The following GPC5 variants were observed in gnomAD, a reference collection of about 807,000 sequenced individuals.
The protein encoded by GPC5 is glypican 5.
A neutral mutation model predicts 53.9 loss-of-function variants in GPC5; 47 were observed. The ratio of observed to expected loss-of-function variants is 0.87; its 90% confidence interval spans 0.69 to 1.11. The LOEUF is 1.11. GPC5 is among the 50% of genes most tolerant of loss of function. The pLI, the probability that GPC5 is intolerant of heterozygous loss-of-function variation, is 0.00. For synonymous variants in GPC5, 286 were observed against 263.3 expected, an observed-to-expected ratio of 1.09 and a Z score of -0.84; for missense variants, 748 against 713.1, an observed-to-expected ratio of 1.05 and a Z score of -0.56.
At chr13:92,424,201 T>G (rs1416141592) in intron 7 of GPC5, among the ~76,000 whole-genome samples, 2 of 152,124 alleles carry the variant, frequency 1.3e-5, no homozygotes, top group Non-Finnish European at 2.9e-5. Context: ...CAGAAATGAA[T>G]GCAATATAAG....
intron 2 of GPC5, among the ~76,000 whole-genome samples, chr13:91,580,277 C>G (rs2032311221): frequency 6.6e-6 from 1 of 152,116 alleles, no homozygotes; most frequent in African/African-American, 2.4e-5. Flanking sequence ...GTCTTGATCT[C>G]CTGACCCTGT....
At chr13:92,132,212 A>G (rs2041750011) in intron 6 of GPC5, among the ~76,000 whole-genome samples, 1 of 152,164 alleles carries the variant, frequency 6.6e-6, no homozygotes, top group Non-Finnish European at 1.5e-5. Context: ...AAAATTAATG[A>G]GGCATAAAAG....
chr13:91,760,536 C>T (rs1489544640), intron 5 of GPC5, among the ~76,000 whole-genome samples: 2 of 152,124 alleles, frequency 1.3e-5, no homozygotes, highest in African/African-American at 4.8e-5. Context: ...CAGCTTCATT[C>T]TAGAGGAGTT....
intron 7 of GPC5, among the ~76,000 whole-genome samples, chr13:92,299,472 C>T (rs1422101743): frequency 2.0e-5 from 3 of 152,022 alleles, no homozygotes; most frequent in African/African-American, 7.3e-5. Context: ...TTTATAAATG[C>T]CACTTTCCAA....
At chr13:92,539,745 AC>A (rs1699328327) in intron 7 of GPC5, among the ~76,000 whole-genome samples, 1 of 151,284 alleles carries the variant, frequency 6.6e-6, no homozygotes, top group African/African-American at 2.4e-5. Context: ...TAATATTGGT[AC>A]TCACCTCTCT....
intron 2 of GPC5, among the ~76,000 whole-genome samples, chr13:91,588,823 A>G (rs2032693224): frequency 6.6e-6 from 1 of 152,098 alleles, no homozygotes; most frequent in African/African-American, 2.4e-5. Context: ...TCCAGCCTAT[A>G]AAATTGTTTG....
intron 7 of GPC5, among the ~76,000 whole-genome samples, chr13:92,542,168 A>G (rs1881951960): frequency 6.6e-6 from 1 of 151,986 alleles, no homozygotes; most frequent in Non-Finnish European, 1.5e-5. Flanking sequence ...TCATACATTT[A>G]TCATTTCTTA....
intron 7 of GPC5, among the ~76,000 whole-genome samples, chr13:92,363,364 G>A (rs1000992356): frequency 6.6e-6 from 1 of 151,588 alleles, no homozygotes; most frequent in African/African-American, 2.4e-5. Flanking sequence ...CCGGTTTTGT[G>A]GAAGACAAAT....
chr13:92,080,725 T>C (rs2104519), intron 6 of GPC5, among the ~76,000 whole-genome samples: 70,788 of 152,076 alleles, frequency 0.47, 17,169 homozygotes, highest in East Asian at 0.79. Context: ...ATGGATGCTC[T>C]CTTGCTAAAA....
intron 7 of GPC5, among the ~76,000 whole-genome samples, chr13:92,462,596 T>C (rs73632225): frequency 0.14 from 20,696 of 152,108 alleles, 1,542 homozygotes; most frequent in South Asian, 0.21. Flanking sequence ...AATCTATGAG[T>C]GGAGCTTAGG....
At chr13:91,509,850 A>C (rs1341288247) in intron 2 of GPC5, among the ~76,000 whole-genome samples, 1 of 152,128 alleles carries the variant, frequency 6.6e-6, no homozygotes, top group Admixed American at 6.5e-5. Context: ...TGAGTACACA[A>C]GATTACTCTT....
intron 2 of GPC5, among the ~76,000 whole-genome samples, chr13:91,665,327 G>A (rs552095728): frequency 3.9e-5 from 6 of 152,140 alleles, no homozygotes; most frequent in East Asian, 3.9e-4. Context: ...TAGAAATTAC[G>A]GTCCCTTGAA....
chr13:92,663,833 CTATATATATATACACACACACACTA>C (rs1886454409), intron 7 of GPC5, among the ~76,000 whole-genome samples: 2 of 124,138 alleles, frequency 1.6e-5, no homozygotes, highest in African/African-American at 6.3e-5. Context: ...TATACACACA[CTATATATATATACACACACACACTA>C]TATATATATA....
At chr13:91,509,841 G>A (rs560241503) in intron 2 of GPC5, among the ~76,000 whole-genome samples, 1 of 152,130 alleles carries the variant, frequency 6.6e-6, no homozygotes, top group Admixed American at 6.5e-5. Context: ...TAAGAAGCTT[G>A]AGTACACAAG....
chr13:91,885,212 G>A (rs114773718), intron 5 of GPC5, among the ~76,000 whole-genome samples: 2,044 of 152,074 alleles, frequency 0.013, 49 homozygotes, highest in African/African-American at 0.047. Context: ...TGGATATACC[G>A]TCTCTTTGTA....
At chr13:92,648,818 T>A (rs958340848) in intron 7 of GPC5, among the ~76,000 whole-genome samples, 6 of 152,158 alleles carry the variant, frequency 3.9e-5, no homozygotes, top group African/African-American at 1.4e-4. Context: ...GGGCATGTCA[T>A]TTTTTGACAA....
chr13:91,799,839 C>T (rs1161039304), intron 5 of GPC5, among the ~76,000 whole-genome samples: 1 of 152,052 alleles, frequency 6.6e-6, no homozygotes, highest in Non-Finnish European at 1.5e-5. Flanking sequence ...CTACTGAAAA[C>T]CAAACACAAA....
At chr13:91,957,096 T>C (rs1393752175) in intron 6 of GPC5, among the ~76,000 whole-genome samples, 2 of 152,062 alleles carry the variant, frequency 1.3e-5, no homozygotes, top group Non-Finnish European at 2.9e-5. Flanking sequence ...CAATTGAGGA[T>C]ATAAATGAGA....
In GPC5 at chr13:91,966,544, A is replaced by T. The variant is rs569334920; in HGVS notation, c.1401+58487A>T. 1.5e-3 allele frequency among the ~76,000 whole-genome samples: 228 copies of T among 152,324 alleles called. 1 individual carries two copies. In the Middle Eastern group the frequency reaches 0.051, roughly 34 times the overall value. ...TATGTATTCAGTCTGTATCATGTTT[A>T]TGTGTAGGATATGTTTGCTTCAAAA... On this transcript the variant is annotated intron_variant, in intron 6 of 7. Transcript: ENST00000377067.
Sources: gnomAD v4.1 joint callset for allele counts (sites outside exome capture counted in the v4.1 genomes callset) on GRCh38, gnomAD v4.1.1 for gene constraint, MANE v1.5 for transcripts, NCBI Gene and HGNC (gene_info 2026-07-23, HGNC 2026-07-21) for gene names.